The following NLGN4X variants were observed in gnomAD, a reference collection of about 807,000 sequenced individuals.
The protein encoded by NLGN4X is neuroligin-4, X-linked.
NLGN4X carries 3 observed loss-of-function variants against 40.3 expected under a neutral mutation model. The ratio of observed to expected loss-of-function variants is 0.07; its 90% CI spans 0.03 to 0.19. NLGN4X has a LOEUF of 0.19. NLGN4X is among the 10% of genes least tolerant of loss of function. The pLI is 1.00. For missense variants in NLGN4X, 382 were observed against 708.3 expected (o/e 0.54, Z 5.23); for synonymous variants, 270 against 306.8 (o/e 0.88, Z 1.25).
chrX:5,982,778 A>C (rs375198040), intron 3 of NLGN4X, among the ~76,000 whole-genome samples: 5 of 112,259 alleles, frequency 4.5e-5, no homozygotes, highest in African/African-American at 1.6e-4. Flanking sequence ...GGAAGTCTTC[A>C]GCCCAGGAGT....
At chrX:5,980,635 C>A (rs1262770895) in intron 3 of NLGN4X, among the ~76,000 whole-genome samples, 1 of 108,554 alleles carries the variant, frequency 9.2e-6, no homozygotes, top group African/African-American at 3.4e-5. Flanking sequence ...ATGTTTCCAA[C>A]ACCATTTCTT....
At chrX:6,218,493 C>T (rs1925299027) in intron 1 of NLGN4X, among the ~76,000 whole-genome samples, 2 of 110,260 alleles carry the variant, frequency 1.8e-5, no homozygotes, top group East Asian at 2.9e-4. Flanking sequence ...CACACACACA[C>T]ACACACACAC....
intron 2 of NLGN4X, among the ~76,000 whole-genome samples, chrX:6,065,575 G>A (rs1403040108): frequency 2.7e-5 from 3 of 111,307 alleles, no homozygotes; most frequent in Non-Finnish European, 5.7e-5. Context: ...AGGGGAGAAG[G>A]TGGAAAATTT....
At chrX:6,163,867 C>T (rs899273691) in intron 1 of NLGN4X, among the ~76,000 whole-genome samples, 4 of 112,951 alleles carry the variant, frequency 3.5e-5, no homozygotes, top group Non-Finnish European at 7.5e-5. Context: ...AATACTTGAA[C>T]TTGGAAGACA....
At chrX:6,090,888 A>ATGCATAGGACACCTC (rs200273379) in intron 2 of NLGN4X, among the ~76,000 whole-genome samples, 1 of 111,991 alleles carries the variant, frequency 8.9e-6, no homozygotes, top group Admixed American at 9.5e-5. Flanking sequence ...ACCTCCTACA[A>ATGCATAGGACACCTC]CAAAGACGGG....
chrX:5,892,638 G>A lies in NLGN4X; in HGVS notation c.*179C>T, dbSNP rs764978540. 12 of 557,076 alleles carry A rather than the reference G, an allele frequency of 2.2e-5. No homozygotes were observed. The highest frequency in any genetic ancestry group is 3.1e-5 in the Non-Finnish European group (11 of 349,236). 45.9% of individuals were successfully genotyped at this position (557,076 alleles called of 1,213,427 possible). On this transcript the variant is annotated 3_prime_UTR_variant, in exon 6 of 6. Coordinates refer to ENST00000381095, the MANE Select transcript of NLGN4X (RefSeq NM_181332.3). ...TCTTGTAATACTGGAAAACACCAACGATAAGGGTCTGCCGGGATGGGATGA... is the reference window on the plus strand; with the variant it reads ...TCTTGTAATACTGGAAAACACCAACAATAAGGGTCTGCCGGGATGGGATGA...
chrX:5,930,388 T>G (rs1276465744), intron 3 of NLGN4X, among the ~76,000 whole-genome samples: 1 of 111,791 alleles, frequency 8.9e-6, no homozygotes, highest in Non-Finnish European at 1.9e-5. Context: ...GGAAAGCAGG[T>G]AGATGCACAA....
chrX:6,020,282 G>A (rs2036498506), intron 3 of NLGN4X, among the ~76,000 whole-genome samples: 1 of 111,896 alleles, frequency 8.9e-6, no homozygotes, highest in South Asian at 3.7e-4. Context: ...AAAAAGGAAA[G>A]AAGTTGTGTC....
At position 6,205,715 on chromosome X, in the gene NLGN4X, A is replaced by G. The variant is rs764978929; in HGVS notation, c.-306+22826T>C. ...TTGAATACTATGAAGTGTACTCCCCACCACCAAGTTCAATTTCAGTGCAAT... is the reference window on the plus strand; with the variant it reads ...TTGAATACTATGAAGTGTACTCCCCGCCACCAAGTTCAATTTCAGTGCAAT... On this transcript the variant is annotated intron_variant, in intron 1 of 5. Transcript: ENST00000381095. Among the ~76,000 whole-genome samples, 3 of 112,222 alleles carry G rather than the reference A, an allele frequency of 2.7e-5. No homozygotes were observed. In the South Asian group the frequency reaches 1.1e-3, roughly 42 times the overall value.
chrX:6,074,779 C>T (rs960953596), intron 2 of NLGN4X, among the ~76,000 whole-genome samples: 1 of 110,267 alleles, frequency 9.1e-6, no homozygotes, highest in East Asian at 2.9e-4. Flanking sequence ...TATCTGAGTT[C>T]GTGCCATCAT....
At chrX:6,030,211 A>T (rs891092034) in intron 2 of NLGN4X, among the ~76,000 whole-genome samples, 1 of 111,881 alleles carries the variant, frequency 8.9e-6, no homozygotes, top group Non-Finnish European at 1.9e-5. Flanking sequence ...CCTCTTGGTA[A>T]TTTACTTTAT....
chrX:5,925,923 T>TATATATATACATACAC (rs2033294912), intron 3 of NLGN4X, among the ~76,000 whole-genome samples: 4 of 61,359 alleles, frequency 6.5e-5, no homozygotes, highest in African/African-American at 2.5e-4. Flanking sequence ...TATATATATA[T>TATATATATACATACAC]ATATATATAA....
At chrX:6,175,580 G>A (rs1381186760) in intron 1 of NLGN4X, among the ~76,000 whole-genome samples, 1 of 104,446 alleles carries the variant, frequency 9.6e-6, no homozygotes, top group Admixed American at 1.0e-4. Flanking sequence ...CAGAAGTGAG[G>A]GCTAGGATAT....
chrX:6,156,928 G>A (rs1171665610), intron 1 of NLGN4X, among the ~76,000 whole-genome samples: 2 of 110,451 alleles, frequency 1.8e-5, no homozygotes, highest in Non-Finnish European at 3.8e-5. Context: ...AATGTTATTG[G>A]TATACACACA....
At chrX:6,102,141 ATAATT>A (rs1456320697) in intron 2 of NLGN4X, among the ~76,000 whole-genome samples, 1 of 111,706 alleles carries the variant, frequency 9.0e-6, no homozygotes, top group African/African-American at 3.3e-5. Context: ...CTAAAATAAT[ATAATT>A]TGATTGTTTG....
At chrX:6,177,967 A>G (rs1329157964) in intron 1 of NLGN4X, among the ~76,000 whole-genome samples, 3 of 111,333 alleles carry the variant, frequency 2.7e-5, no homozygotes, top group African/African-American at 9.8e-5. Flanking sequence ...ATACAGGGAG[A>G]AGGCACCATC....
At chrX:6,197,503 G>A (rs1042733254) in intron 1 of NLGN4X, among the ~76,000 whole-genome samples, 2 of 107,297 alleles carry the variant, frequency 1.9e-5, no homozygotes, top group Non-Finnish European at 3.9e-5. Flanking sequence ...ACTCCTGGAA[G>A]CAAGCGGTTG....
intron 1 of NLGN4X, among the ~76,000 whole-genome samples, chrX:6,216,350 C>T (rs1209296334): frequency 8.9e-6 from 1 of 112,150 alleles, no homozygotes; most frequent in African/African-American, 3.2e-5. Flanking sequence ...CTTCACTGAA[C>T]ATAATTTGCT....
intron 1 of NLGN4X, among the ~76,000 whole-genome samples, chrX:6,197,652 T>C (rs1923234038): frequency 9.0e-6 from 1 of 111,267 alleles, no homozygotes; most frequent in African/African-American, 3.3e-5. Flanking sequence ...ATTTACATTC[T>C]ACTTAATAAA....
Sources: gnomAD v4.1 joint callset for allele counts (sites outside exome capture counted in the v4.1 genomes callset) on GRCh38, gnomAD v4.1.1 for gene constraint, MANE v1.5 for transcripts, NCBI Gene and HGNC (gene_info 2026-07-23, HGNC 2026-07-21) for gene names.